Variants in EXO1 observed in about 807,000 individuals in gnomAD.
The protein encoded by EXO1 is exonuclease 1.
Under a neutral mutation model 84.5 loss-of-function variants are expected in EXO1, and 69 were observed. That is an observed-to-expected ratio of 0.82 (90% confidence interval 0.67 to 1.00). The LOEUF is 1.00. Ranked by LOEUF, EXO1 falls within the 50% of genes least tolerant of loss-of-function variation. The pLI, the probability that EXO1 is intolerant of heterozygous loss-of-function variation, is 0.00. For synonymous variants in EXO1, 373 were observed against 366.1 expected (o/e 1.02, Z -0.21); for missense variants, 1,045 against 1,000.7 (o/e 1.04, Z -0.60).
intron 7 of EXO1, among the ~76,000 whole-genome samples, chr1:241,857,694 AAAG>A (rs1383928122): frequency 6.6e-6 from 1 of 151,902 alleles, no homozygotes; most frequent in African/African-American, 2.4e-5. Context: ...TTTAAAATGA[AAAG>A]AAGGGTTTTG....
intron 5 of EXO1, 127 bp downstream of exon 5, chr1:241,852,538 G>A (rs940003886): frequency 3.7e-6 from 3 of 800,700 alleles, no homozygotes; most frequent in South Asian, 1.4e-5. Context: ...CTAGGTACTC[G>A]GGAGGTTGAG....
chr1:241,854,959 C>T (rs1054580154), intron 6 of EXO1, among the ~76,000 whole-genome samples: 1 of 152,126 alleles, frequency 6.6e-6, no homozygotes, highest in African/African-American at 2.4e-5. Context: ...TTGTTCGTTC[C>T]TCCCTGGGGG....
intron 11 of EXO1, among the ~76,000 whole-genome samples, chr1:241,868,808 A>G (rs1487139287): frequency 6.6e-6 from 1 of 152,226 alleles, no homozygotes; most frequent in African/African-American, 2.4e-5. Context: ...TACAGATCTT[A>G]ACATATCTGT....
At chr1:241,886,665 T>A (rs921921102) in intron 15 of EXO1, among the ~76,000 whole-genome samples, 13 of 152,212 alleles carry the variant, frequency 8.5e-5, no homozygotes, top group Admixed American at 2.0e-4. Flanking sequence ...CAAAATACTT[T>A]GGTTTATTTA....
At chr1:241,855,999 C>T (rs574264207) in intron 6 of EXO1, among the ~76,000 whole-genome samples, 6 of 152,324 alleles carry the variant, frequency 3.9e-5, no homozygotes, top group Admixed American at 2.0e-4. Context: ...TGGGCTCCGG[C>T]CTTGGCCAGC....
chr1:241,864,127 C>T (rs930017642), intron 10 of EXO1, among the ~76,000 whole-genome samples: 13 of 152,090 alleles, frequency 8.5e-5, no homozygotes, highest in African/African-American at 2.7e-4. Flanking sequence ...GAAGGGGCCC[C>T]GAAAAGCTCA....
chr1:241,873,141 G>A (rs368953342), intron 12 of EXO1, among the ~76,000 whole-genome samples: 202 of 151,950 alleles, frequency 1.3e-3, no homozygotes, highest in African/African-American at 4.7e-3. Context: ...TGTCACATAT[G>A]TATACATGTG....
At position 241,879,319 on chromosome 1, in the gene EXO1, C is replaced by A. The variant is rs756645702; in HGVS notation, c.2085C>A (p.Cys695Ter). 2 of 1,601,056 alleles carry A rather than the reference C, an allele frequency of 1.2e-6. No individual in the cohort carries two copies. Among genetic ancestry groups the A allele is most frequent in the East Asian group, 4.5e-5 (2 of 44,822 alleles). ...QSSNASKLSQ[C>*]SSKDSDSEES... The stretch of plus-strand genomic sequence containing the variant: ...CAAATGCATCAAAGCTTTCTCAGTG[C>A]TCTAGTAAGGACTCTGATTCAGAGG... Residue 695 changes from cysteine to a stop codon, truncating the protein, a stop_gained, in exon 13 of 16, where the codon TGC becomes TGA. Transcript: ENST00000366548. LOFTEE classifies it high-confidence loss of function.
At chr1:241,872,010 A>G (rs1662126412) in intron 11 of EXO1, 22 bp from the exon 12 acceptor site, 1 of 1,603,526 alleles carries the variant, frequency 6.2e-7, no homozygotes, top group Middle Eastern at 1.7e-4. Context: ...AAAGATTTAC[A>G]GATAATTTTG....
At chr1:241,858,183 G>A (rs554270267) in intron 7 of EXO1, among the ~76,000 whole-genome samples, 2 of 152,186 alleles carry the variant, frequency 1.3e-5, no homozygotes, top group African/African-American at 4.8e-5. Context: ...GACAGAGAAA[G>A]AGAAAATGTT....
In EXO1 at chr1:241,850,159, T is replaced by C. The variant is rs570808529; in HGVS notation, c.-17-250T>C. Among the ~76,000 whole-genome samples, 4 of 152,126 alleles carry C rather than the reference T, an allele frequency of 2.6e-5. No homozygotes were observed. The East Asian group carries it at 7.8e-4, about 30-fold the overall frequency. ...AGCCGGGCGCGGTGGCGGGCGCCTG[T>C]AGTCCCAGCTACTGGGAAGGCTGAG... On this transcript the variant is annotated intron_variant, in intron 3 of 15. Transcript: ENST00000366548.
In EXO1 at chr1:241,860,658, G is replaced by A. The variant is rs747698568; in HGVS notation, c.898G>A (p.Ala300Thr). The A allele has an allele frequency of 1.2e-6, 2 of 1,613,926 alleles. No homozygotes were observed. The highest frequency in any genetic ancestry group is 1.7e-6 in the Non-Finnish European group (2 of 1,179,878). Reference protein sequence around the residue: ...PIKRKLIPLNAYEDDVDPETL... With the variant: ...PIKRKLIPLNTYEDDVDPETL... ...CAAAAGGAAACTTATTCCTCTGAAC[G>A]CCTATGAAGATGATGTTGATCCTGA... The change falls in exon 9 of 16, where the codon GCC (alanine) becomes ACC (threonine). Residue 300 changes from alanine to threonine, a missense_variant. Transcript: ENST00000366548.
In EXO1 at chr1:241,889,818, C is replaced by G. The variant is rs4150023; in HGVS notation, c.*218C>G. On this transcript the variant is annotated 3_prime_UTR_variant, in exon 16 of 16. Coordinates refer to ENST00000366548, the MANE Select transcript of EXO1 (RefSeq NM_130398.4). ...AAGCTAAATAGAAGAATAATTGTAT[C>G]TCTGACAGGTTTTTGGAGGTTTTAG... The G allele has an allele frequency of 5.1e-3, 2,771 of 544,048 alleles. 61 individuals are homozygous for G. Among genetic ancestry groups the G allele is most frequent in the African/African-American group, 0.046 (2,440 of 52,708 alleles). 33.7% of individuals were successfully genotyped at this position (544,048 alleles called of 1,614,324 possible).
rs2148414100 is a variant in EXO1, at chr1:241,857,439, T to C, written c.500T>C (p.Ile167Thr). The change falls in exon 7 of 16, where the codon ATA becomes ACA. Residue 167 changes from isoleucine to threonine, a missense_variant. By Grantham distance (89) the Ile-to-Thr change is moderately conservative. Transcript: ENST00000366548. ...YLNKAGIVQA[I>T]ITEDSDLLAF... ...AACAAAGCGGGAATTGTGCAAGCCA[T>C]AATTACAGAGGACTCGGATCTCCTA... is the stretch of plus-strand genomic sequence containing the variant. The C allele has an allele frequency of 1.9e-6, 3 of 1,614,012 alleles. No homozygotes were observed. Among genetic ancestry groups the C allele is most frequent in the East Asian group, 4.5e-5 (2 of 44,878 alleles).
intron 3 of EXO1, among the ~76,000 whole-genome samples, chr1:241,850,012 T>TG (rs1660565337): frequency 6.6e-6 from 1 of 152,222 alleles, no homozygotes; most frequent in Admixed American, 6.5e-5. Flanking sequence ...CCGGGCGCGG[T>TG]GGCTCACGCC....
intron 10 of EXO1, among the ~76,000 whole-genome samples, chr1:241,864,806 G>A (rs942748604): frequency 1.3e-5 from 2 of 151,550 alleles, no homozygotes; most frequent in Non-Finnish European, 2.9e-5. Context: ...GAATGATTAT[G>A]GAAAGAAGGA....
In EXO1 at chr1:241,883,998, G is replaced by T. The variant is rs556990199; in HGVS notation, c.2212-1316G>T. 3.3e-5 allele frequency among the ~76,000 whole-genome samples: 5 copies of T among 152,214 alleles called. No homozygotes were observed. In the South Asian group the frequency reaches 1.0e-3, roughly 32 times the overall value. ...GTGACCCTTCAGGTGAGCTCTCCCT[G>T]ATACCCATCTTTAATACCTAAAATC... On this transcript the variant is annotated intron_variant, in intron 14 of 15. Transcript: ENST00000366548.
At chr1:241,856,574 T>A (rs1043848969) in intron 6 of EXO1, among the ~76,000 whole-genome samples, 1 of 152,094 alleles carries the variant, frequency 6.6e-6, no homozygotes, top group Non-Finnish European at 1.5e-5. Flanking sequence ...CCCAAGACAT[T>A]GCTGGATATG....
intron 6 of EXO1, among the ~76,000 whole-genome samples, chr1:241,854,377 T>G (rs1369668690): frequency 2.0e-5 from 3 of 152,178 alleles, no homozygotes; most frequent in Admixed American, 2.0e-4. Context: ...TCTCAGGTGA[T>G]CTGCCCACCT....
Sources: gnomAD v4.1 joint callset for allele counts (sites outside exome capture counted in the v4.1 genomes callset) on GRCh38, gnomAD v4.1.1 for gene constraint, MANE v1.5 for transcripts, NCBI Gene and HGNC (gene_info 2026-07-23, HGNC 2026-07-21) for gene names.